RHOXF1: variants seen among roughly 807,000 people sequenced by gnomAD.
The protein encoded by RHOXF1 is PEPP subfamily gene 1.
Under a neutral mutation model 9.7 loss-of-function variants are expected in RHOXF1, and 1 was observed. That is an observed-to-expected ratio of 0.10 (90% CI 0.04 to 0.49). RHOXF1 has a LOEUF of 0.49. Among genes scored for constraint, RHOXF1 ranks in the 20% least tolerant of loss-of-function variants. RHOXF1 has a pLI of 0.95. For synonymous variants in RHOXF1, 72 were observed against 70.2 expected (o/e 1.03, Z -0.13); for missense variants, 179 against 168.0 (o/e 1.07, Z -0.36).
upstream of RHOXF1, among the ~76,000 whole-genome samples, chrX:120,117,020 G>A (rs1358170040): frequency 1.8e-5 from 2 of 111,424 alleles, no homozygotes; most frequent in Non-Finnish European, 3.8e-5. Context: ...TACTGGATGT[G>A]GGGCCACTTC....
chrX:120,115,153 T>C (rs1212669448), intron 1 of RHOXF1, among the ~76,000 whole-genome samples: 1 of 111,976 alleles, frequency 8.9e-6, no homozygotes, highest in Non-Finnish European at 1.9e-5. Context: ...TGCACAACAA[T>C]GTGAACATAC....
chrX:120,115,863 G>A lies in RHOXF1; in HGVS notation c.-1C>T. The A allele has an allele frequency of 8.5e-7, 1 of 1,169,732 alleles. No homozygotes were observed. Among genetic ancestry groups the A allele is most frequent in the Non-Finnish European group, 1.1e-6 (1 of 880,067 alleles). On this transcript the variant is annotated 5_prime_UTR_variant, in exon 1 of 3. Transcript: ENST00000217999. ...TGTCGTGGACGAGCGAACGCGCCAT[G>A]GCTGGAGCGCTGCGCCCCTGCACAA...
At chrX:120,109,391 T>C in intron 2 of RHOXF1, 89 bp from the exon 3 acceptor site, 2 of 517,171 alleles carry the variant, frequency 3.9e-6, no homozygotes, top group South Asian at 3.7e-5. Context: ...TTATATGCTA[T>C]TGAGATTTTA....
upstream of RHOXF1, among the ~76,000 whole-genome samples, chrX:120,117,019 T>A (rs976488995): frequency 9.0e-6 from 1 of 111,525 alleles, no homozygotes; most frequent in Non-Finnish European, 1.9e-5. Flanking sequence ...TTACTGGATG[T>A]GGGGCCACTT....
At chrX:120,119,676 C>T (rs782425112), upstream of RHOXF1, 1 of 111,344 alleles carries the variant, frequency 9.0e-6, no homozygotes, top group Non-Finnish European at 1.9e-5. Context: ...TTACATGTCT[C>T]TCATGCAGCA....
chrX:120,112,343 G>A (rs921853138), intron 2 of RHOXF1, among the ~76,000 whole-genome samples: 10 of 106,058 alleles, frequency 9.4e-5, no homozygotes, highest in Admixed American at 6.2e-4. Context: ...AGATACCAGC[G>A]TTAGAAGGAG....
chrX:120,113,114 G>A (rs184301632), intron 1 of RHOXF1, among the ~76,000 whole-genome samples, 200 bp from the exon 2 acceptor site: 7 of 111,383 alleles, frequency 6.3e-5, no homozygotes, highest in Admixed American at 5.7e-4. Context: ...TTAAGGTGAC[G>A]TTAACAACTC....
chrX:120,117,557 G>T (rs1203050925), upstream of RHOXF1: 1 of 110,824 alleles, frequency 9.0e-6, no homozygotes, highest in Non-Finnish European at 1.9e-5. Context: ...GACCCTTTGA[G>T]TCTGTAGCCT....
rs2057291563 is a variant in RHOXF1 at position 120,115,723 on chromosome X, T to C, written c.140A>G (p.Asn47Ser). ...GTTCACACCGCCCTCAGGGTTCATA[T>C]TACCCATGAGGCCTGGAGCTCCTTG... ...VGQGAPGLMG[N>S]MNPEGGVNHE... Residue 47 changes from asparagine (N) to serine (S), a missense_variant, in exon 1 of 3, where the codon AAT (asparagine) becomes AGT (serine). Coordinates refer to ENST00000217999, the MANE Select transcript of RHOXF1 (RefSeq NM_139282.3). 1 of 1,209,713 alleles carries C rather than the reference T, an allele frequency of 8.3e-7. No homozygotes were observed. Among genetic ancestry groups the C allele is most frequent in the Non-Finnish European group, 1.1e-6 (1 of 895,248 alleles).
In RHOXF1 at chrX:120,115,634, G is replaced by T; in HGVS notation, c.229C>A (p.Pro77Thr). ...GGCGGGGGCTGCGGCTGCTGCCGAG[G>T]CTCCTGGTTTCCACCGCCGCCCTCG... ...IPEGGGGNQE[P>T]RQQPQPPPEE... The change falls in exon 1 of 3, where the codon CCT becomes ACT. Residue 77 changes from proline to threonine, a missense_variant. Pro to Thr is a conservative substitution (Grantham distance 38, BLOSUM62 -1). Coordinates refer to ENST00000217999, the MANE Select transcript of RHOXF1 (RefSeq NM_139282.3). 1 of 1,178,931 alleles carries T rather than the reference G, an allele frequency of 8.5e-7. No homozygotes were observed. The highest frequency in any genetic ancestry group is 2.3e-5 in the Admixed American group (1 of 42,693).
In RHOXF1 at chrX:120,115,782, C is replaced by A. The variant is rs938636268; in HGVS notation, c.81G>T (p.Leu27=). Residue 27 remains leucine (L), a synonymous_variant, in exon 1 of 3, where the codon CTG becomes CTT. Coordinates refer to ENST00000217999, the MANE Select transcript of RHOXF1 (RefSeq NM_139282.3). ...YQVKISPTPQ[L]GAASSAEGHV... ...GGCCTTCTGCGCTTGATGCTGCCCC[C>A]AGCTGAGGTGTGGGGCTTATTTTTA... is the stretch of plus-strand genomic sequence containing the variant. The A allele has an allele frequency of 8.3e-7, 1 of 1,207,165 alleles. No homozygotes were observed.
chrX:120,112,576 T>C (rs1419412946), intron 2 of RHOXF1, among the ~76,000 whole-genome samples: 1 of 70,354 alleles, frequency 1.4e-5, no homozygotes, highest in East Asian at 4.9e-4. Flanking sequence ...CATATGTATG[T>C]ATTTGTTTAA....
rs144907004 is a variant in RHOXF1 at position 120,115,851 on chromosome X, C to T, written c.12G>A (p.Ser4=). The T allele has an allele frequency of 1.0e-5, 12 of 1,174,086 alleles. No homozygotes were observed. Among genetic ancestry groups the T allele is most frequent in the Admixed American group, 7.0e-5 (3 of 42,838 alleles). ...AGTAGAACACGGTGTCGTGGACGAG[C>T]GAACGCGCCATGGCTGGAGCGCTGC... MAR[S]LVHDTVFYCL... Residue 4 remains serine, a synonymous_variant, in exon 1 of 3, where the codon TCG becomes TCA. Coordinates refer to ENST00000217999, the MANE Select transcript of RHOXF1 (RefSeq NM_139282.3).
upstream of RHOXF1, chrX:120,120,286 A>T (rs146736188): frequency 4.8e-3 from 538 of 112,334 alleles, 3 homozygotes; most frequent in African/African-American, 0.016. Context: ...CCAGGCCCAT[A>T]GCAGGAGCCC....
At chrX:120,113,926 T>C (rs2057282034) in intron 1 of RHOXF1, among the ~76,000 whole-genome samples, 1 of 108,857 alleles carries the variant, frequency 9.2e-6, no homozygotes, top group East Asian at 2.9e-4. Flanking sequence ...ACCTTATCTC[T>C]ACACACAAAA....
chrX:120,118,591 TC>T (rs1169889929), upstream of RHOXF1, among the ~76,000 whole-genome samples: 1 of 112,274 alleles, frequency 8.9e-6, no homozygotes, highest in Non-Finnish European at 1.9e-5. Context: ...TCCTGTTGAC[TC>T]CGCCTCAGAA....
intron 1 of RHOXF1, among the ~76,000 whole-genome samples, 170 bp from the exon 2 acceptor site, chrX:120,113,084 G>A (rs945886095): frequency 2.7e-5 from 3 of 111,601 alleles, no homozygotes; most frequent in African/African-American, 9.8e-5. Context: ...TTTAGAAATG[G>A]TTTACCCTCA....
At chrX:120,117,957 T>G (rs1303277196), upstream of RHOXF1, 1 of 111,573 alleles carries the variant, frequency 9.0e-6, no homozygotes, top group Non-Finnish European at 1.9e-5. Context: ...AGGGTTTTCA[T>G]GAGAGTTCAA....
chrX:120,109,571 A>ATTTATTTATTTAT (rs1555999514), intron 2 of RHOXF1, among the ~76,000 whole-genome samples: 44 of 107,241 alleles, frequency 4.1e-4, no homozygotes, highest in African/African-American at 1.5e-3. Context: ...TTATTTATTT[A>ATTTATTTATTTAT]TTATTTATTT....
Sources: gnomAD v4.1 joint callset for allele counts (sites outside exome capture counted in the v4.1 genomes callset) on GRCh38, gnomAD v4.1.1 for gene constraint, MANE v1.5 for transcripts, NCBI Gene and HGNC (gene_info 2026-07-23, HGNC 2026-07-21) for gene names.